Variants in FHIT observed in about 807,000 individuals in gnomAD.
FHIT encodes bis(5'-adenosyl)-triphosphatase.
A neutral mutation model predicts 17.9 loss-of-function variants in FHIT; 19 were observed. The ratio of observed to expected loss-of-function variants is 1.06; its 90% CI spans 0.74 to 1.56. FHIT has a LOEUF of 1.56. Ranked by LOEUF, FHIT falls within the 40% of genes most tolerant of loss-of-function variation. The probability of loss-of-function intolerance (pLI) is 0.00; values close to 1 mark genes in which losing one functional copy is unlikely to be tolerated. For synonymous variants in FHIT, 81 were observed against 69.7 expected, an observed-to-expected ratio of 1.16 and a Z score of -0.81; for missense variants, 248 against 189.2, an observed-to-expected ratio of 1.31 and a Z score of -1.82.
At chr3:60,764,812 G>C (rs1699793300) in intron 4 of FHIT, among the ~76,000 whole-genome samples, 1 of 150,930 alleles carries the variant, frequency 6.6e-6, no homozygotes, top group Admixed American at 6.6e-5. Context: ...TTATATAAAT[G>C]ACATGTCAAT....
At chr3:60,382,420 G>A (rs779653870) in intron 5 of FHIT, among the ~76,000 whole-genome samples, 14 of 152,210 alleles carry the variant, frequency 9.2e-5, no homozygotes, top group Non-Finnish European at 2.1e-4. Context: ...GGCATACAGA[G>A]TTAAATAAAG....
chr3:60,359,212 T>C (rs904613591), intron 5 of FHIT, among the ~76,000 whole-genome samples: 8 of 151,934 alleles, frequency 5.3e-5, no homozygotes, highest in Non-Finnish European at 1.2e-4. Flanking sequence ...GACTTCATGA[T>C]ATTTGGATAC....
At chr3:60,445,081 C>G (rs2031228529) in intron 5 of FHIT, among the ~76,000 whole-genome samples, 1 of 152,006 alleles carries the variant, frequency 6.6e-6, no homozygotes, top group Non-Finnish European at 1.5e-5. Flanking sequence ...CCTGGTAACT[C>G]CATGTGGATT....
At chr3:60,220,968 T>C (rs1292958671) in intron 5 of FHIT, among the ~76,000 whole-genome samples, 2 of 152,172 alleles carry the variant, frequency 1.3e-5, no homozygotes, top group South Asian at 2.1e-4. Context: ...ATTCACAGCA[T>C]GTGTCATTAT....
At chr3:60,621,419 G>A (rs1553678562) in intron 4 of FHIT, among the ~76,000 whole-genome samples, 1 of 151,926 alleles carries the variant, frequency 6.6e-6, no homozygotes, top group Admixed American at 6.6e-5. Context: ...AAAGTGCTGG[G>A]ATTACAGCCA....
intron 8 of FHIT, among the ~76,000 whole-genome samples, chr3:59,907,513 T>C (rs1279485538): frequency 6.6e-6 from 1 of 152,084 alleles, no homozygotes; most frequent in Non-Finnish European, 1.5e-5. Context: ...CCCCAGAGTT[T>C]AAAATAGAGT....
At chr3:61,178,824 G>A (rs1176167031) in intron 2 of FHIT, among the ~76,000 whole-genome samples, 1 of 151,876 alleles carries the variant, frequency 6.6e-6, no homozygotes, top group Non-Finnish European at 1.5e-5. Context: ...CAAACAAATG[G>A]TGTGGCTGAC....
chr3:60,039,818 A>G (rs145466020), intron 5 of FHIT, among the ~76,000 whole-genome samples: 217 of 152,314 alleles, frequency 1.4e-3, no homozygotes, highest in African/African-American at 5.1e-3. Flanking sequence ...TAATGCTGTC[A>G]TTTCTGAGCC....
Position 60,363,524 on chromosome 3 carries a change from C to T in FHIT, c.103+173336G>A, listed in dbSNP as rs184920708. Among the ~76,000 whole-genome samples, 137 of 152,280 alleles carry T rather than the reference C, an allele frequency of 9.0e-4. 1 individual carries two copies. Among genetic ancestry groups the T allele is most frequent in the Admixed American group, 7.1e-3 (108 of 15,288 alleles). Reference sequence around the variant, plus strand: ...ACTCTGACTTGTATACTGCCGCTATCCCTGTTTTACAGGTGAGTAAACCTG... The same window carrying T: ...ACTCTGACTTGTATACTGCCGCTATTCCTGTTTTACAGGTGAGTAAACCTG... On this transcript the variant is annotated intron_variant, in intron 5 of 9. Coordinates refer to ENST00000492590, the MANE Select transcript of FHIT (RefSeq NM_002012.4).
chr3:59,773,669 T>TTTCTTCCC (rs1702172285), intron 8 of FHIT, among the ~76,000 whole-genome samples: 2 of 150,538 alleles, frequency 1.3e-5, no homozygotes, highest in African/African-American at 4.9e-5. Context: ...ACTTTCTTCC[T>TTTCTTCCC]TTCTTCCCAG....
chr3:61,227,157 G>A (rs2039991262), intron 1 of FHIT, among the ~76,000 whole-genome samples: 1 of 152,176 alleles, frequency 6.6e-6, no homozygotes, highest in Non-Finnish European at 1.5e-5. Context: ...TTTCTCCTCA[G>A]AATGTTTCCT....
At chr3:59,770,712 C>T (rs1333169040) in intron 8 of FHIT, among the ~76,000 whole-genome samples, 1 of 152,210 alleles carries the variant, frequency 6.6e-6, no homozygotes, top group East Asian at 1.9e-4. Flanking sequence ...CCCTCTAATA[C>T]ATATACTCTG....
chr3:60,537,539 T>C (rs946746589), intron 4 of FHIT: 24 of 844,190 alleles, frequency 2.8e-5, no homozygotes, highest in African/African-American at 7.4e-5. Context: ...AAAAAAAACA[T>C]TTAAAAAGAA....
At chr3:60,563,929 T>C (rs527770504) in intron 4 of FHIT, among the ~76,000 whole-genome samples, 3 of 152,294 alleles carry the variant, frequency 2.0e-5, no homozygotes, top group Non-Finnish European at 2.9e-5. Flanking sequence ...AAGTTGACCA[T>C]ATTAAACAAT....
At chr3:59,818,453 A>G (rs1465533180) in intron 8 of FHIT, among the ~76,000 whole-genome samples, 1 of 152,196 alleles carries the variant, frequency 6.6e-6, no homozygotes, top group African/African-American at 2.4e-5. Context: ...CTTCAAAGGA[A>G]GATGGTGTTT....
chr3:61,248,276 CTGAA>C (rs2040533082), intron 1 of FHIT, among the ~76,000 whole-genome samples: 1 of 151,646 alleles, frequency 6.6e-6, no homozygotes, highest in Non-Finnish European at 1.5e-5. Context: ...GTGGTGGAAG[CTGAA>C]TGATCAGACT....
chr3:61,231,835 G>C (rs771640020), intron 1 of FHIT, among the ~76,000 whole-genome samples: 3 of 152,128 alleles, frequency 2.0e-5, no homozygotes, highest in Non-Finnish European at 2.9e-5. Context: ...GGAGGGATAA[G>C]GAACTACATG....
chr3:60,179,144 C>T (rs144844634), intron 5 of FHIT, among the ~76,000 whole-genome samples: 4 of 152,268 alleles, frequency 2.6e-5, no homozygotes, highest in East Asian at 3.9e-4. Context: ...CTACCTACCA[C>T]GTGGCCGCAT....
At chr3:61,170,314 A>T (rs886787394) in intron 2 of FHIT, among the ~76,000 whole-genome samples, 1 of 152,194 alleles carries the variant, frequency 6.6e-6, no homozygotes, top group Non-Finnish European at 1.5e-5. Flanking sequence ...TATGTAAATA[A>T]TCTCTTTAAA....
Sources: allele counts gnomAD v4.1 joint callset (sites outside exome capture counted in the v4.1 genomes callset), GRCh38; gene constraint gnomAD v4.1.1; transcripts MANE v1.5; gene names NCBI Gene and HGNC (gene_info 2026-07-23, HGNC 2026-07-21).